The following EPB41L1 variants were observed in gnomAD, a reference collection of about 807,000 sequenced individuals.
EPB41L1 encodes the protein band 4.1-like protein 1.
EPB41L1 carries 29 observed loss-of-function variants against 97.8 expected under a neutral mutation model. The observed-to-expected ratio is 0.30, with a 90% CI of 0.22 to 0.40. The LOEUF is 0.40. Among genes scored for constraint, EPB41L1 ranks in the 10% least tolerant of loss-of-function variants. The pLI, the probability that EPB41L1 is intolerant of heterozygous loss-of-function variation, is 1.00. For synonymous variants in EPB41L1, 383 were observed against 459.2 expected, an observed-to-expected ratio of 0.83 and a Z score of 2.12; for missense variants, 812 against 1,162.3, an observed-to-expected ratio of 0.70 and a Z score of 4.38.
Position 36,173,936 on chromosome 20 carries a change from C to T in EPB41L1, c.159C>T (p.Asp53=). 6.2e-7 allele frequency: 1 copy of T among 1,613,536 alleles called. No homozygotes were observed. Among genetic ancestry groups the T allele is most frequent in the Non-Finnish European group, 8.5e-7 (1 of 1,179,746 alleles). ...ATGAGAAGCATCCATCCCAGCAGGACACGCGGCCTGCTGAACAGGTGTGTG... is the reference window on the plus strand; with the variant it reads ...ATGAGAAGCATCCATCCCAGCAGGATACGCGGCCTGCTGAACAGGTGTGTG... ...NSNEKHPSQQ[D]TRPAEQSLDM... is the part of the protein sequence containing the mutation. Residue 53 remains aspartate (D), a synonymous_variant, in exon 2 of 22, where the codon GAC becomes GAT. Transcript: ENST00000338074.
chr20:36,200,139 A>G (rs908156857), intron 14 of EPB41L1, among the ~76,000 whole-genome samples: 7 of 152,284 alleles, frequency 4.6e-5, no homozygotes, highest in Middle Eastern at 3.4e-3. Context: ...GGTGCCATAG[A>G]CAAGGATTGA....
chr20:36,197,933 G>T lies in EPB41L1; in HGVS notation c.1560G>T (p.Glu520Asp). ...ATGAGCTCAAAAGGACCCTGAAGGA[G>T]CCCAACAGCAAACTCATCCACCGGG... ...SINELKRTLKEPNSKLIHRDR... is the reference protein window; with the variant it reads ...SINELKRTLKDPNSKLIHRDR... Residue 520 changes from glutamate to aspartate, a missense_variant, in exon 14 of 22, where the codon GAG (glutamate) becomes GAT (aspartate). Coordinates refer to ENST00000338074, the MANE Select transcript of EPB41L1 (RefSeq NM_012156.2). 6.2e-7 allele frequency: 1 copy of T among 1,614,138 alleles called. No individual in the cohort carries two copies. Among genetic ancestry groups the T allele is most frequent in the Non-Finnish European group, 8.5e-7 (1 of 1,180,034 alleles).
At chr20:36,196,173 TC>T (rs1363134228) in intron 13 of EPB41L1, among the ~76,000 whole-genome samples, 4 of 152,122 alleles carry the variant, frequency 2.6e-5, no homozygotes, top group Admixed American at 2.6e-4. Context: ...TGCCTTGGAG[TC>T]CTGAGATCTG....
chr20:36,106,241 C>T (rs578107607), intron 1 of EPB41L1, among the ~76,000 whole-genome samples: 30 of 152,366 alleles, frequency 2.0e-4, no homozygotes, highest in African/African-American at 7.0e-4. Flanking sequence ...CATGCCGTTC[C>T]GCTCTCCTTC....
intron 2 of EPB41L1, 151 bp downstream of exon 2, chr20:36,174,105 ATTG>A (rs1185183705): frequency 3.3e-6 from 3 of 900,020 alleles, no homozygotes; most frequent in Non-Finnish European, 5.3e-6. Flanking sequence ...TGCTGGGAGC[ATTG>A]TTGTTATTTT....
At position 36,190,764 on chromosome 20, in the gene EPB41L1, A is replaced by G; in HGVS notation, c.1267A>G (p.Lys423Glu). Residue 423 changes from lysine (K) to glutamate (E), a missense_variant, in exon 11 of 22, where the codon AAA becomes GAA. Physicochemically the swap from Lys to Glu is moderately conservative, Grantham distance 56. This residue lies in a region of EPB41L1 where 498 missense variants were observed against 622.7 expected (regional missense o/e 0.80). Coordinates refer to ENST00000338074, the MANE Select transcript of EPB41L1 (RefSeq NM_012156.2). This position sits in a 1 kb window ranked among gnomAD's most constrained non-coding sequence, Gnocchi z 5.8. ...PAPFFERSSS[K>E]RYTMSRSLDG... The stretch of plus-strand genomic sequence containing the variant: ...ACCCTTCTTTGAGCGTTCTTCCAGC[A>G]AACGGTACACCATGTCCCGCAGCCT... The G allele has an allele frequency of 6.2e-7, 1 of 1,614,138 alleles. No individual in the cohort carries two copies. Among genetic ancestry groups the G allele is most frequent in the Non-Finnish European group, 8.5e-7 (1 of 1,180,028 alleles).
intron 2 of EPB41L1, among the ~76,000 whole-genome samples, chr20:36,136,290 C>G (rs2059411932): frequency 6.6e-6 from 1 of 151,838 alleles, no homozygotes; most frequent in Non-Finnish European, 1.5e-5. Flanking sequence ...CCCGCCTCAG[C>G]CTCCTGAGTA....
chr20:36,168,553 A>G (rs1246016454), intron 1 of EPB41L1, among the ~76,000 whole-genome samples: 1 of 147,350 alleles, frequency 6.8e-6, no homozygotes, highest in East Asian at 2.0e-4. Flanking sequence ...TTTTTTTTAG[A>G]TGGAGTCTTC....
intron 14 of EPB41L1, among the ~76,000 whole-genome samples, chr20:36,203,282 T>A (rs2062605876): frequency 6.6e-6 from 1 of 152,234 alleles, no homozygotes; most frequent in African/African-American, 2.4e-5. Context: ...ATCTTGCGCA[T>A]GGCCTCTCCC....
Position 36,206,488 on chromosome 20 carries a change from GA to G in EPB41L1, c.1669-2995del. 1 of 1,289,876 alleles carries G rather than the reference GA, an allele frequency of 7.8e-7. No homozygotes were observed. Among genetic ancestry groups the G allele is most frequent in the East Asian group, 5.5e-5 (1 of 18,034 alleles). 79.9% of individuals were successfully genotyped at this position (1,289,876 alleles called of 1,614,324 possible). A position where few individuals can be genotyped will look rare whatever the true frequency, so the allele number is the denominator to read the frequency against. ...GAGGAGCTTCTATTTAAATTATGAA[GA>G]AAAAGACTCAGAAGACCAAGTCCTC... On this transcript the variant is annotated intron_variant, in intron 14 of 21. Transcript: ENST00000338074. This position sits in a 1 kb window ranked among gnomAD's most constrained non-coding sequence, Gnocchi z 5.5.
chr20:36,198,395 C>T (rs2062322799), intron 14 of EPB41L1, among the ~76,000 whole-genome samples: 3 of 152,204 alleles, frequency 2.0e-5, no homozygotes, highest in South Asian at 2.1e-4. Flanking sequence ...GTGCTGGCAT[C>T]GGCATCTGGA....
intron 2 of EPB41L1, among the ~76,000 whole-genome samples, chr20:36,138,016 GT>G (rs1287058215): frequency 6.6e-6 from 1 of 152,160 alleles, no homozygotes; most frequent in Non-Finnish European, 1.5e-5. Flanking sequence ...ATGTCCTCAA[GT>G]TCACCCATGT....
Position 36,206,264 on chromosome 20 carries a change from A to C in EPB41L1, c.1669-3224A>C. 1 of 1,289,892 alleles carries C rather than the reference A, an allele frequency of 7.8e-7. No individual in the cohort carries two copies. The highest frequency in any genetic ancestry group is 1.5e-5 in the African/African-American group (1 of 66,000). 79.9% of individuals were successfully genotyped at this position (1,289,892 alleles called of 1,614,324 possible). A position where few individuals can be genotyped will look rare whatever the true frequency, so the allele number is the denominator to read the frequency against. On this transcript the variant is annotated intron_variant, in intron 14 of 21. Transcript: ENST00000338074. This position sits in a 1 kb window ranked among gnomAD's most constrained non-coding sequence, Gnocchi z 5.5. ...CGCTGCATGTCAGATGGTCAGCCGG[A>C]GGGCCAGACAGAGCTGAGGAAGGGG...
Position 36,182,319 on chromosome 20 carries a change from C to A in EPB41L1, c.538C>A (p.Pro180Thr). 3 of 1,614,140 alleles carry A rather than the reference C, an allele frequency of 1.9e-6. No individual in the cohort carries two copies. Among genetic ancestry groups the A allele is most frequent in the Non-Finnish European group, 2.5e-6 (3 of 1,179,984 alleles). ...CACAGTCAAGTTCTACCCGCCTGAT[C>A]CTGCCCAGCTGACAGAAGACATCAC... ...AFTVKFYPPD[P>T]AQLTEDITRY... Residue 180 changes from proline to threonine, a missense_variant, in exon 6 of 22, where the codon CCT (proline) becomes ACT (threonine). By Grantham distance (38) the Pro-to-Thr change is conservative. Coordinates refer to ENST00000338074, the MANE Select transcript of EPB41L1 (RefSeq NM_012156.2).
chr20:36,155,092 A>C, intron 1 of EPB41L1, 196 bp downstream of exon 1: 1 of 544,016 alleles, frequency 1.8e-6, no homozygotes, highest in Non-Finnish European at 3.2e-6. Context: ...AGGCCTGGAG[A>C]GAGGATCCGG....
chr20:36,157,456 T>C (rs2060355331), intron 1 of EPB41L1, among the ~76,000 whole-genome samples: 1 of 152,222 alleles, frequency 6.6e-6, no homozygotes. Flanking sequence ...GTTACGCAGC[T>C]GGAAAGTGCG....
In EPB41L1 at chr20:36,185,339, A is replaced by G. The variant is rs1481575263; in HGVS notation, c.785+4A>G. 16 of 1,611,534 alleles carry G rather than the reference A, an allele frequency of 9.9e-6. No homozygotes were observed. The highest frequency in any genetic ancestry group is 1.4e-5 in the Non-Finnish European group (16 of 1,179,760). On this transcript the variant is annotated splice_donor_region_variant and intron_variant, in intron 7 of 21. Coordinates refer to ENST00000338074, the MANE Select transcript of EPB41L1 (RefSeq NM_012156.2). ...TGGAGCTGCATAAGACATATAGGTAAGAGGGTGCCAGCCAGGGCCTTCTGT... is the reference window on the plus strand; with the variant it reads ...TGGAGCTGCATAAGACATATAGGTAGGAGGGTGCCAGCCAGGGCCTTCTGT...
At chr20:36,171,196 A>T (rs1042556788) in intron 1 of EPB41L1, among the ~76,000 whole-genome samples, 4 of 151,224 alleles carry the variant, frequency 2.6e-5, no homozygotes, top group Non-Finnish European at 5.9e-5. Flanking sequence ...TCTTGCCTAT[A>T]GGCCTTATCT....
chr20:36,143,198 C>T (rs1445903023), intron 2 of EPB41L1, among the ~76,000 whole-genome samples: 2 of 144,192 alleles, frequency 1.4e-5, no homozygotes, highest in Non-Finnish European at 1.5e-5. Context: ...ATAGAGGTGC[C>T]ATCTGGGGGC....
Sources: gnomAD v4.1 joint callset for allele counts (sites outside exome capture counted in the v4.1 genomes callset) on GRCh38, gnomAD v4.1.1 for gene constraint, gnomAD v4.1.1 regional missense constraint, Gnocchi (gnomAD v3.1) non-coding constraint, MANE v1.5 for transcripts, NCBI Gene and HGNC (gene_info 2026-07-23, HGNC 2026-07-21) for gene names.